The following MYO16 variants were observed in gnomAD, a reference collection of about 807,000 sequenced individuals.
MYO16 encodes the protein unconventional myosin-XVI.
In MYO16, 94 loss-of-function variants were observed where a neutral mutation model predicts 205.3. The observed-to-expected ratio is 0.46, with a 90% CI of 0.39 to 0.54. The LOEUF is 0.54. Ranked by LOEUF, MYO16 falls within the 20% of genes least tolerant of loss-of-function variation. The pLI, the probability that MYO16 is intolerant of heterozygous loss-of-function variation, is 0.00. For synonymous variants in MYO16, 988 were observed against 954.0 expected (o/e 1.04, Z -0.66); for missense variants, 2,315 against 2,387.5 (o/e 0.97, Z 0.63).
At chr13:108,874,733 A>ATTG (rs1566383236) in intron 12 of MYO16, among the ~76,000 whole-genome samples, 1 of 146,896 alleles carries the variant, frequency 6.8e-6, no homozygotes, top group African/African-American at 2.5e-5. Context: ...TATTATTATT[A>ATTG]TTATATGTGA....
intron 28 of MYO16, chr13:109,101,923 A>T (rs1026445090): frequency 1.3e-5 from 2 of 152,192 alleles, no homozygotes; most frequent in African/African-American, 4.8e-5. Flanking sequence ...GAATTGCTGA[A>T]TAGGTCCAAA....
At chr13:109,003,862 C>T (rs1296861118) in intron 21 of MYO16, among the ~76,000 whole-genome samples, 2 of 152,146 alleles carry the variant, frequency 1.3e-5, no homozygotes, top group Non-Finnish European at 2.9e-5. Context: ...TTTGTACCTA[C>T]AGAGCTGCAA....
chr13:108,539,938 A>T, the MYO16 span, among the ~76,000 whole-genome samples: 1 of 152,080 alleles, frequency 6.6e-6, no homozygotes, highest in African/African-American at 2.4e-5. Context: ...CAGAAATGTG[A>T]GTTGGAAAAA....
Position 108,712,650 on chromosome 13 carries a change from G to A in MYO16, c.293-11G>A, listed in dbSNP as rs1335601497. Reference sequence around the variant, plus strand: ...TCTCTGTAACTCCATTCTCCTCTCTGTTGTTTTCAGTGCTTCGGCTCCTGA... The same window carrying A: ...TCTCTGTAACTCCATTCTCCTCTCTATTGTTTTCAGTGCTTCGGCTCCTGA... On this transcript the variant is annotated splice_polypyrimidine_tract_variant and intron_variant, in intron 2 of 34. Coordinates refer to ENST00000457511, the MANE Select transcript of MYO16 (RefSeq NM_001198950.3). 6.2e-7 allele frequency: 1 copy of A among 1,613,280 alleles called. No individual in the cohort carries two copies. The highest frequency in any genetic ancestry group is 1.1e-5 in the South Asian group (1 of 91,078).
At chr13:109,123,845 C>G (rs1271958899) in intron 29 of MYO16, among the ~76,000 whole-genome samples, 1 of 152,160 alleles carries the variant, frequency 6.6e-6, no homozygotes, top group Non-Finnish European at 1.5e-5. Context: ...TATTTTATAA[C>G]CATGAACTAT....
intron 31 of MYO16, among the ~76,000 whole-genome samples, chr13:109,128,768 G>GTTTTAGTT (rs1232779988): frequency 1.8e-4 from 21 of 114,992 alleles, no homozygotes; most frequent in African/African-American, 7.1e-4. Flanking sequence ...CACTTTTTTA[G>GTTTTAGTT]TTTTTTTTTT....
At chr13:108,655,331 C>T (rs1033024750) in intron 1 of MYO16, among the ~76,000 whole-genome samples, 1 of 152,222 alleles carries the variant, frequency 6.6e-6, no homozygotes, top group African/African-American at 2.4e-5. Flanking sequence ...TCAGGGAGTG[C>T]AAGCCACAAA....
chr13:108,599,948 A>T (rs1268053038), intron 1 of MYO16, among the ~76,000 whole-genome samples: 2 of 152,090 alleles, frequency 1.3e-5, no homozygotes, highest in African/African-American at 4.8e-5. Flanking sequence ...GTTTGGGAAA[A>T]TTTTCTTCAA....
chr13:108,709,410 G>A (rs1295931223), intron 2 of MYO16, among the ~76,000 whole-genome samples: 1 of 77,522 alleles, frequency 1.3e-5, no homozygotes, highest in Non-Finnish European at 2.9e-5. Flanking sequence ...ACAATCACTG[G>A]AGTCCTGTTG....
chr13:109,149,447 A>G (rs546241098), intron 32 of MYO16, among the ~76,000 whole-genome samples: 17 of 152,296 alleles, frequency 1.1e-4, no homozygotes, highest in Middle Eastern at 3.4e-3. Context: ...AATCACAAAA[A>G]CTAATCAGTC....
At chr13:108,624,898 G>A (rs1044563485), upstream of MYO16, among the ~76,000 whole-genome samples, 4 of 151,852 alleles carry the variant, frequency 2.6e-5, no homozygotes, top group African/African-American at 9.7e-5. Context: ...ATTACAGAGA[G>A]TAATTTTCAG....
chr13:109,007,003 T>C (rs1407827586), intron 21 of MYO16, among the ~76,000 whole-genome samples: 1 of 152,046 alleles, frequency 6.6e-6, no homozygotes, highest in African/African-American at 2.4e-5. Flanking sequence ...AAGTGCTCCA[T>C]GGAAGAAGAG....
At chr13:108,531,333 G>C in the MYO16 span, among the ~76,000 whole-genome samples, 1 of 152,186 alleles carries the variant, frequency 6.6e-6, no homozygotes, top group Admixed American at 6.5e-5. Flanking sequence ...GAAGAACATC[G>C]GGAGGAAGCA....
chr13:108,614,207 A>C (rs1184847120), intron 1 of MYO16, among the ~76,000 whole-genome samples: 1 of 152,154 alleles, frequency 6.6e-6, no homozygotes, highest in African/African-American at 2.4e-5. Context: ...ATGAACTTAC[A>C]AAAACAATTC....
chr13:108,638,904 G>A (rs1315570807), intron 1 of MYO16, among the ~76,000 whole-genome samples: 3 of 152,168 alleles, frequency 2.0e-5, no homozygotes, highest in Admixed American at 6.5e-5. Context: ...GGCATTTCAG[G>A]ATGAGGAGGC....
chr13:108,718,205 A>C (rs1273105069), intron 3 of MYO16, among the ~76,000 whole-genome samples: 1 of 152,134 alleles, frequency 6.6e-6, no homozygotes, highest in Admixed American at 6.5e-5. Context: ...AAATGCCTAG[A>C]GAAATATCTT....
intron 1 of MYO16, among the ~76,000 whole-genome samples, chr13:108,659,064 T>A (rs1881373106): frequency 6.6e-6 from 1 of 151,388 alleles, no homozygotes; most frequent in South Asian, 2.1e-4. Context: ...ACATATTCTT[T>A]TTTTTTTTAG....
chr13:108,654,308 T>G (rs1375437448), intron 1 of MYO16, among the ~76,000 whole-genome samples: 3 of 152,140 alleles, frequency 2.0e-5, no homozygotes, highest in Non-Finnish European at 4.4e-5. Context: ...CGGGGGCGGT[T>G]TCCCCCATAC....
chr13:108,920,517 G>A (rs749548387), intron 16 of MYO16, among the ~76,000 whole-genome samples: 1 of 152,032 alleles, frequency 6.6e-6, no homozygotes, highest in Non-Finnish European at 1.5e-5. Flanking sequence ...GGAATGCAAT[G>A]GTGCCATCTC....
Sources: allele counts gnomAD v4.1 joint callset (sites outside exome capture counted in the v4.1 genomes callset), GRCh38; gene constraint gnomAD v4.1.1; transcripts MANE v1.5; gene names NCBI Gene and HGNC (gene_info 2026-07-23, HGNC 2026-07-21).